HACD1: variants seen among roughly 807,000 people sequenced by gnomAD.
The protein encoded by HACD1 is 3-hydroxyacyl-CoA dehydratase 1, also known as very-long-chain (3R)-3-hydroxyacyl-CoA dehydratase 1.
In HACD1, 41 loss-of-function variants were observed where a neutral mutation model predicts 32.0. That is an observed-to-expected ratio of 1.28 (90% CI 1.00 to 1.66). The LOEUF (loss-of-function observed/expected upper bound fraction) is 1.66. Ranked by LOEUF, HACD1 falls within the 40% of genes most tolerant of loss-of-function variation. HACD1 has a pLI of 0.00. For missense variants in HACD1, 396 were observed against 380.1 expected, an observed-to-expected ratio of 1.04 and a Z score of -0.35; for synonymous variants, 142 against 139.0, an observed-to-expected ratio of 1.02 and a Z score of -0.15.
chr10:17,603,772 C>T (rs782408544), intron 2 of HACD1, 28 bp from the exon 3 acceptor site: 37 of 1,582,644 alleles, frequency 2.3e-5, no homozygotes, highest in South Asian at 3.4e-5. Flanking sequence ...AAAATCATTA[C>T]GTCAATAATA....
Position 17,591,976 on chromosome 10 carries a change from A to ATTTTTTTTTTTTTTTTTTTTTTTT in HACD1, c.785-1531_785-1530insAAAAAAAAAAAAAAAAAAAAAAAA, listed in dbSNP as rs71393019. On this transcript the variant is annotated intron_variant, in intron 6 of 6. Coordinates refer to ENST00000361271, the MANE Select transcript of HACD1 (RefSeq NM_014241.4). ...CCCTGCCTTAACTCACCAGCTACTG[A>ATTTTTTTTTTTTTTTTTTTTTTTT]TTTTTTTTTTTTTTTTTTTTTTTGA... Among the ~76,000 whole-genome samples, 3 of 96,954 alleles carry ATTTTTTTTTTTTTTTTTTTTTTTT rather than the reference A, an allele frequency of 3.1e-5. 1 individual carries two copies. Among genetic ancestry groups the ATTTTTTTTTTTTTTTTTTTTTTTT allele is most frequent in the African/African-American group, 1.3e-4 (3 of 22,302 alleles). The allele number at this position is 96,954 out of a possible 152,430, so 63.6% of individuals were successfully genotyped here.
At chr10:17,598,507 G>A (rs782735368) in intron 5 of HACD1, among the ~76,000 whole-genome samples, 2 of 152,100 alleles carry the variant, frequency 1.3e-5, no homozygotes, top group Non-Finnish European at 2.9e-5. Context: ...ATTAGTTTAT[G>A]TTTTGTCTTC....
Position 17,617,367 on chromosome 10 carries a change from C to T in HACD1, c.-28G>A, listed in dbSNP as rs975041661. The T allele has an allele frequency of 1.5e-6, 2 of 1,321,658 alleles. No homozygotes were observed. The highest frequency in any genetic ancestry group is 1.9e-6 in the Non-Finnish European group (2 of 1,039,740). The allele number at this position is 1,321,658 out of a possible 1,614,324, so 81.9% of individuals were successfully genotyped here. A position where few individuals can be genotyped will look rare whatever the true frequency, so the allele number is the denominator to read the frequency against. ...GCAGCGCGCAGGGGGCTCGGCGCAGCCAGCTCTACCGACCGCGAGGGGGAG... is the reference window on the plus strand; with the variant it reads ...GCAGCGCGCAGGGGGCTCGGCGCAGTCAGCTCTACCGACCGCGAGGGGGAG... On this transcript the variant is annotated 5_prime_UTR_variant, in exon 1 of 7. Transcript: ENST00000361271.
chr10:17,599,126 G>C, intron 5 of HACD1, 164 bp downstream of exon 5: 1 of 1,216,158 alleles, frequency 8.2e-7, no homozygotes, highest in African/African-American at 1.5e-5. Flanking sequence ...TAAGCTTTTA[G>C]AATACAAATC....
rs527775303 is a variant in HACD1 at position 17,608,199 on chromosome 10, G to T, written c.258-4152C>A. ...TCATTATTGTTCTTGCTGTTGTGGG[G>T]TTTTTTTTAGTAGAGATGGGGTCTC... On this transcript the variant is annotated intron_variant, in intron 1 of 6. Coordinates refer to ENST00000361271, the MANE Select transcript of HACD1 (RefSeq NM_014241.4). Among the ~76,000 whole-genome samples the T allele has an allele frequency of 7.9e-5, 12 of 151,612 alleles. No individual in the cohort carries two copies. The South Asian group carries it at 1.3e-3, about 16-fold the overall frequency.
chr10:17,611,159 C>A (rs963794219), intron 1 of HACD1, among the ~76,000 whole-genome samples: 2 of 152,070 alleles, frequency 1.3e-5, no homozygotes, highest in African/African-American at 4.8e-5. Context: ...CGCCACCACA[C>A]CCAGCTAATT....
intron 1 of HACD1, among the ~76,000 whole-genome samples, chr10:17,611,590 G>T (rs782805262): frequency 1.3e-5 from 2 of 152,098 alleles, no homozygotes; most frequent in African/African-American, 2.4e-5. Flanking sequence ...TTATATATAC[G>T]GGCACAAAAG....
intron 1 of HACD1, among the ~76,000 whole-genome samples, chr10:17,612,339 A>C (rs1358863663): frequency 6.6e-6 from 1 of 152,246 alleles, no homozygotes; most frequent in Non-Finnish European, 1.5e-5. Context: ...CAGACTATTA[A>C]GTGAAAATGG....
At position 17,617,200 on chromosome 10, in the gene HACD1, C is replaced by T. The variant is rs1039347857; in HGVS notation, c.140G>A (p.Gly47Asp). 23 of 1,499,788 alleles carry T rather than the reference C, an allele frequency of 1.5e-5. No homozygotes were observed. The African/African-American group carries it at 3.3e-4, about 22-fold the overall frequency. 92.9% of individuals were successfully genotyped at this position (1,499,788 alleles called of 1,614,324 possible). A position where few individuals can be genotyped will look rare whatever the true frequency, so the allele number is the denominator to read the frequency against. Residue 47 changes from glycine (G) to aspartate (D), a missense_variant, in exon 1 of 7, where the codon GGC becomes GAC. Physicochemically the swap from Gly to Asp is moderately conservative, Grantham distance 94. Coordinates refer to ENST00000361271, the MANE Select transcript of HACD1 (RefSeq NM_014241.4). The stretch of plus-strand genomic sequence containing the variant: ...GGCCTCCGAGGCGCCGCCGTTGGTG[C>T]CGTCCTCGTCGCTGGACGCCATGGT... ...AATMASSDED[G>D]TNGGASEAGE...
chr10:17,597,479 C>G (rs1240918779), intron 5 of HACD1, among the ~76,000 whole-genome samples: 2 of 152,030 alleles, frequency 1.3e-5, no homozygotes, highest in Admixed American at 6.5e-5. Flanking sequence ...TTTAAACATA[C>G]GATGGCAGAG....
Position 17,594,300 on chromosome 10 carries a change from T to C in HACD1, c.689A>G (p.Lys230Arg). The C allele has an allele frequency of 6.2e-7, 1 of 1,605,208 alleles. No homozygotes were observed. The highest frequency in any genetic ancestry group is 8.5e-7 in the Non-Finnish European group (1 of 1,175,166). ...AAGTCTTATTGAAAACATTCCTGTT[T>C]TCTTCACATGCGGCAAGGCAGCGTA... ...TIYAALPHVKKTGMFSIRLPN... is the reference protein window; with the variant it reads ...TIYAALPHVKRTGMFSIRLPN... The change falls in exon 6 of 7, where the codon AAA (lysine) becomes AGA (arginine). Residue 230 changes from lysine (K) to arginine (R), a missense_variant. By Grantham distance (26) the Lys-to-Arg change is conservative. Transcript: ENST00000361271.
In HACD1 at chr10:17,610,582, G is replaced by A. The variant is rs11254683; in HGVS notation, c.257+6501C>T. On this transcript the variant is annotated intron_variant, in intron 1 of 6. Transcript: ENST00000361271. ...GAGGATCACTTGAGCCTGGGAGGCT[G>A]AGCAGTGAGCTGAGCTGGTGCTACT... is the stretch of plus-strand genomic sequence containing the variant. 8.1e-3 allele frequency among the ~76,000 whole-genome samples: 1,234 copies of A among 151,608 alleles called. 15 individuals carry two copies. The highest frequency in any genetic ancestry group is 0.029 in the African/African-American group (1,186 of 41,322).
At chr10:17,602,773 C>T (rs1464573680) in intron 4 of HACD1, 1 of 152,184 alleles carries the variant, frequency 6.6e-6, no homozygotes, top group Non-Finnish European at 1.5e-5. Flanking sequence ...TTCCTCCTAA[C>T]TAAAATTTTT....
intron 4 of HACD1, among the ~76,000 whole-genome samples, chr10:17,600,767 C>T (rs551326581): frequency 6.6e-6 from 1 of 152,168 alleles, no homozygotes; most frequent in Non-Finnish European, 1.5e-5. Context: ...CTTGCACTCC[C>T]TACGTCAGAC....
intron 1 of HACD1, among the ~76,000 whole-genome samples, chr10:17,611,905 T>C (rs1460552847): frequency 6.6e-6 from 1 of 151,638 alleles, no homozygotes; most frequent in Non-Finnish European, 1.5e-5. Context: ...AGGCGGAGCT[T>C]GCAGTGAGCT....
intron 1 of HACD1, among the ~76,000 whole-genome samples, chr10:17,604,353 C>T (rs1277755987): frequency 2.0e-5 from 3 of 151,822 alleles, no homozygotes; most frequent in African/African-American, 4.8e-5. Context: ...GGTGTGGTGG[C>T]GGGCGCCTGA....
chr10:17,603,389 A>T (rs892411936), intron 4 of HACD1, 171 bp downstream of exon 4: 3 of 568,404 alleles, frequency 5.3e-6, no homozygotes, highest in Admixed American at 6.8e-5. Flanking sequence ...TTGTGTATCA[A>T]AGTCATTCTG....
At chr10:17,598,667 A>G (rs997844701) in intron 5 of HACD1, among the ~76,000 whole-genome samples, 2 of 152,218 alleles carry the variant, frequency 1.3e-5, no homozygotes, top group African/African-American at 2.4e-5. Flanking sequence ...TTCTCCAAAG[A>G]GCAGTTTTGC....
At chr10:17,596,397 C>G (rs935347094) in intron 5 of HACD1, among the ~76,000 whole-genome samples, 2 of 152,090 alleles carry the variant, frequency 1.3e-5, no homozygotes, top group African/African-American at 4.8e-5. Context: ...TTTATTAAAT[C>G]CCATAACTGG....
Sources: allele counts gnomAD v4.1 joint callset (sites outside exome capture counted in the v4.1 genomes callset), GRCh38; gene constraint gnomAD v4.1.1; transcripts MANE v1.5; gene names NCBI Gene and HGNC (gene_info 2026-07-23, HGNC 2026-07-21).